The following KSR2 variants were observed in gnomAD, a reference collection of about 807,000 sequenced individuals.
KSR2 encodes kinase suppressor of ras 2.
In KSR2, 25 loss-of-function variants were observed where a neutral mutation model predicts 107.8. The ratio of observed to expected loss-of-function variants is 0.23; its 90% CI spans 0.17 to 0.32. KSR2 has a LOEUF of 0.32. KSR2 is among the 10% of genes least tolerant of loss of function. The pLI, the probability that KSR2 is intolerant of heterozygous loss-of-function variation, is 1.00. For missense variants in KSR2, 887 were observed against 1,268.9 expected (o/e 0.70, Z 4.57); for synonymous variants, 480 against 507.0 (o/e 0.95, Z 0.71).
intron 5 of KSR2, among the ~76,000 whole-genome samples, chr12:117,641,405 C>G (rs1441672267): frequency 6.6e-6 from 1 of 152,168 alleles, no homozygotes; most frequent in East Asian, 1.9e-4. Flanking sequence ...GGCCACACCC[C>G]CTCTAAGACC....
At chr12:117,918,922 T>C (rs1895262874) in intron 1 of KSR2, among the ~76,000 whole-genome samples, 2 of 152,028 alleles carry the variant, frequency 1.3e-5, no homozygotes, top group African/African-American at 4.8e-5. Flanking sequence ...CTGGACAACA[T>C]GGAAACACAG....
At chr12:117,892,229 G>C (rs559626111) in intron 1 of KSR2, among the ~76,000 whole-genome samples, 9 of 152,132 alleles carry the variant, frequency 5.9e-5, no homozygotes, top group African/African-American at 2.2e-4. Flanking sequence ...ACTTGAACCC[G>C]GGAGGCAGAG....
chr12:117,523,067 C>T (rs984443537), intron 14 of KSR2, among the ~76,000 whole-genome samples: 2 of 152,170 alleles, frequency 1.3e-5, no homozygotes, highest in Non-Finnish European at 2.9e-5. Context: ...GGCTTGGAGG[C>T]CCATCCCTAG....
intron 1 of KSR2, among the ~76,000 whole-genome samples, chr12:117,868,056 TGACA>T (rs1361588741): frequency 5.3e-5 from 8 of 152,210 alleles, no homozygotes; most frequent in African/African-American, 1.7e-4. Flanking sequence ...TATAACTGAC[TGACA>T]AAGAAGACAC....
intron 5 of KSR2, among the ~76,000 whole-genome samples, chr12:117,583,927 G>A (rs1192474972): frequency 2.0e-5 from 3 of 152,222 alleles, no homozygotes; most frequent in African/African-American, 4.8e-5. Flanking sequence ...TTGTTATGGA[G>A]TGGCACTCTC....
At chr12:117,610,063 C>T (rs200240380) in intron 5 of KSR2, among the ~76,000 whole-genome samples, 10 of 152,234 alleles carry the variant, frequency 6.6e-5, no homozygotes, top group Non-Finnish European at 1.5e-4. Flanking sequence ...ATGGCGGCAG[C>T]TTGGAGTCTG....
intron 19 of KSR2, among the ~76,000 whole-genome samples, chr12:117,468,203 TGA>T (rs1226669409): frequency 6.6e-6 from 1 of 152,244 alleles, no homozygotes; most frequent in African/African-American, 2.4e-5. Context: ...TGACAGCAGC[TGA>T]GCTACAGTGA....
intron 5 of KSR2, among the ~76,000 whole-genome samples, chr12:117,622,426 T>C (rs1014037918): frequency 2.0e-5 from 3 of 152,096 alleles, no homozygotes; most frequent in Non-Finnish European, 4.4e-5. Context: ...GATAAGACAA[T>C]AAAAGTTACT....
At chr12:117,957,197 G>A (rs925350010) in intron 1 of KSR2, among the ~76,000 whole-genome samples, 27 of 152,044 alleles carry the variant, frequency 1.8e-4, no homozygotes, top group Non-Finnish European at 1.5e-4. Context: ...GTCCACAGGA[G>A]AGCAGTAAAC....
chr12:117,769,630 C>T (rs1889362444), intron 3 of KSR2, among the ~76,000 whole-genome samples: 1 of 152,188 alleles, frequency 6.6e-6, no homozygotes, highest in African/African-American at 2.4e-5. Flanking sequence ...CCCTAGCACA[C>T]AGTCAATGTT....
At chr12:117,880,890 G>A (rs777124673) in intron 1 of KSR2, among the ~76,000 whole-genome samples, 34 of 151,668 alleles carry the variant, frequency 2.2e-4, no homozygotes, top group Non-Finnish European at 4.6e-4. Flanking sequence ...GGCTGGTCTC[G>A]AACTCCTGAT....
chr12:117,581,003 G>A (rs1434855415), intron 6 of KSR2, among the ~76,000 whole-genome samples: 2 of 152,202 alleles, frequency 1.3e-5, no homozygotes, highest in South Asian at 2.1e-4. Flanking sequence ...AGAGCAGTGA[G>A]GAGGAAAATA....
intron 8 of KSR2, among the ~76,000 whole-genome samples, chr12:117,557,728 T>C (rs937779179): frequency 1.3e-5 from 2 of 152,254 alleles, no homozygotes; most frequent in Non-Finnish European, 2.9e-5. Flanking sequence ...TAGTCAAATG[T>C]AGCTAGTAGC....
At chr12:117,612,306 A>G (rs1486743887) in intron 5 of KSR2, among the ~76,000 whole-genome samples, 1 of 151,772 alleles carries the variant, frequency 6.6e-6, no homozygotes, top group Non-Finnish European at 1.5e-5. Context: ...CGGGAGGCTG[A>G]GGCAGGGGAA....
rs1282030815 is a variant in KSR2 at position 117,466,565 on chromosome 12, C to A, written c.*634G>T. On this transcript the variant is annotated 3_prime_UTR_variant, in exon 20 of 20. Coordinates refer to ENST00000339824, the MANE Select transcript of KSR2 (RefSeq NM_173598.6). ...AGCTCTATGCAAAGGTGCCACACGC[C>A]ATGACAGGCTCGGGTTGGGGTGTCT... 1 of 152,386 alleles carries A rather than the reference C, an allele frequency of 6.6e-6. No homozygotes were observed. Among genetic ancestry groups the A allele is most frequent in the African/African-American group, 2.4e-5 (1 of 41,448 alleles). 9.4% of individuals were successfully genotyped at this position (152,386 alleles called of 1,614,324 possible). A position where few individuals can be genotyped will look rare whatever the true frequency, so the allele number is the denominator to read the frequency against.
chr12:117,941,570 C>G (rs1896008002), intron 1 of KSR2, among the ~76,000 whole-genome samples: 1 of 149,724 alleles, frequency 6.7e-6, no homozygotes, highest in Non-Finnish European at 1.5e-5. Flanking sequence ...AAACATTTGC[C>G]TCTACAGTTG....
chr12:117,856,591 C>T (rs1220177768), intron 2 of KSR2, among the ~76,000 whole-genome samples: 3 of 152,156 alleles, frequency 2.0e-5, no homozygotes, highest in Admixed American at 1.3e-4. Context: ...ATTCTCCTGC[C>T]TCAGCCTCCT....
chr12:117,738,348 G>A (rs1299157824), intron 4 of KSR2, among the ~76,000 whole-genome samples: 2 of 152,134 alleles, frequency 1.3e-5, no homozygotes, highest in African/African-American at 2.4e-5. Flanking sequence ...GAAACGCACC[G>A]TTAGAGGATT....
intron 4 of KSR2, among the ~76,000 whole-genome samples, chr12:117,702,154 C>T (rs1197297145): frequency 1.3e-5 from 2 of 152,170 alleles, no homozygotes; most frequent in Non-Finnish European, 2.9e-5. Context: ...TAGTTTCTTC[C>T]ACACTTCAGA....
Sources: gnomAD v4.1 joint callset for allele counts (sites outside exome capture counted in the v4.1 genomes callset) on GRCh38, gnomAD v4.1.1 for gene constraint, MANE v1.5 for transcripts, NCBI Gene and HGNC (gene_info 2026-07-23, HGNC 2026-07-21) for gene names.